KHDC1: variants seen among roughly 807,000 people sequenced by gnomAD.
The protein encoded by KHDC1 is KH homology domain-containing protein 1.
KHDC1 carries 21 observed loss-of-function variants against 24.7 expected under a neutral mutation model. The ratio of observed to expected loss-of-function variants is 0.85; its 90% CI spans 0.60 to 1.23. The LOEUF is 1.23. KHDC1 is among the 50% of genes most tolerant of loss of function. KHDC1 has a pLI of 0.00. For synonymous variants in KHDC1, 98 were observed against 111.7 expected (o/e 0.88, Z 0.77); for missense variants, 274 against 298.5 (o/e 0.92, Z 0.61).
chr6:73,289,422 G>A (rs976795348), intron 2 of KHDC1, among the ~76,000 whole-genome samples: 4 of 151,248 alleles, frequency 2.6e-5, no homozygotes, highest in African/African-American at 9.7e-5. Flanking sequence ...GGCCAAGGCG[G>A]GTGGATCATT....
Position 73,259,280 on chromosome 6 carries a change from C to A in KHDC1, c.207-16750G>T, listed in dbSNP as rs1309381084. On this transcript the variant is annotated intron_variant, in intron 2 of 4. Transcript: ENST00000370384. The stretch of plus-strand genomic sequence containing the variant: ...GCTTTCTGCTGACAAATCCAATATG[C>A]TTTTTTTTTTTTTTTTTTTTTTTTT... Among the ~76,000 whole-genome samples the A allele has an allele frequency of 4.1e-5, 3 of 73,238 alleles. No homozygotes were observed. In the East Asian group the frequency reaches 1.3e-3, roughly 31 times the overall value. 48.0% of individuals were successfully genotyped at this position (73,238 alleles called of 152,430 possible).
At chr6:73,279,951 C>G (rs1019144127) in intron 2 of KHDC1, among the ~76,000 whole-genome samples, 3 of 152,034 alleles carry the variant, frequency 2.0e-5, no homozygotes, top group African/African-American at 7.2e-5. Flanking sequence ...TGTATGTGAT[C>G]ATCATTGTTG....
At chr6:73,295,152 C>T (rs1195671662) in intron 1 of KHDC1, among the ~76,000 whole-genome samples, 1 of 151,992 alleles carries the variant, frequency 6.6e-6, no homozygotes, top group Non-Finnish European at 1.5e-5. Flanking sequence ...GACCCTGTCT[C>T]AAAACAACCA....
chr6:73,280,656 G>C (rs1036245051), intron 2 of KHDC1, among the ~76,000 whole-genome samples: 1 of 150,614 alleles, frequency 6.6e-6, no homozygotes. Flanking sequence ...GAGTAGCTGG[G>C]ATTACAGGCA....
chr6:73,255,127 T>C (rs1412765390), intron 2 of KHDC1, among the ~76,000 whole-genome samples: 2 of 151,440 alleles, frequency 1.3e-5, no homozygotes, highest in Admixed American at 6.6e-5. Context: ...AATAAAGATA[T>C]ATATTCAAAA....
chr6:73,299,665 C>G (rs902597776), intron 1 of KHDC1: 1 of 153,080 alleles, frequency 6.5e-6, no homozygotes, highest in Non-Finnish European at 1.5e-5. Context: ...GCACGCCTAG[C>G]TCAGACCCCC....
At chr6:73,272,098 A>G (rs1024493984) in intron 2 of KHDC1, among the ~76,000 whole-genome samples, 1 of 151,608 alleles carries the variant, frequency 6.6e-6, no homozygotes, top group African/African-American at 2.4e-5. Context: ...ATTTGTCTCT[A>G]AAGGTCCACC....
chr6:73,242,671 T>C, intron 2 of KHDC1, 141 bp from the exon 2 acceptor site: 1 of 905,088 alleles, frequency 1.1e-6, no homozygotes, highest in Non-Finnish European at 1.6e-6. Context: ...ACAATCCCGG[T>C]ATCTCTTCCC....
intron 2 of KHDC1, among the ~76,000 whole-genome samples, chr6:73,249,576 A>G (rs1053956598): frequency 2.6e-5 from 4 of 152,164 alleles, no homozygotes; most frequent in Admixed American, 2.6e-4. Flanking sequence ...GTAAGTAATC[A>G]TCTTTATTTC....
At chr6:73,293,195 C>T in intron 1 of KHDC1, 1 of 704,092 alleles carries the variant, frequency 1.4e-6, no homozygotes, top group Non-Finnish European at 2.7e-6. Context: ...TAGATTTTGG[C>T]CATGAATATT....
chr6:73,305,235 C>G (rs1419987793), intron 1 of KHDC1, among the ~76,000 whole-genome samples: 1 of 151,732 alleles, frequency 6.6e-6, no homozygotes, highest in Non-Finnish European at 1.5e-5. Flanking sequence ...GAGCAAGACT[C>G]CATCTCAAAA....
intron 2 of KHDC1, among the ~76,000 whole-genome samples, chr6:73,285,881 CAGATGG>C (rs1444905076): frequency 1.3e-5 from 2 of 152,076 alleles, no homozygotes; most frequent in African/African-American, 4.8e-5. Flanking sequence ...AGTTAGCCAC[CAGATGG>C]AGCTCAATCT....
intron 2 of KHDC1, chr6:73,291,006 A>T: frequency 2.7e-6 from 1 of 368,764 alleles, no homozygotes; most frequent in South Asian, 2.2e-5. Context: ...CTACTTCTAT[A>T]GAGATCCTGA....
At chr6:73,309,826 G>C (rs1050833646) in exon 1 of KHDC1, 1 of 1,309,496 alleles carries the variant, frequency 7.6e-7, no homozygotes. Context: ...ACGGAGAAGC[G>C]AAGTTCAGGA....
At chr6:73,263,979 G>T (rs567048747) in intron 2 of KHDC1, among the ~76,000 whole-genome samples, 2 of 152,250 alleles carry the variant, frequency 1.3e-5, no homozygotes, top group African/African-American at 4.8e-5. Flanking sequence ...AGCAAGGATC[G>T]CTTGAGCCCA....
intron 2 of KHDC1, among the ~76,000 whole-genome samples, chr6:73,254,768 C>T (rs1253616826): frequency 2.0e-5 from 3 of 151,940 alleles, no homozygotes; most frequent in African/African-American, 4.8e-5. Flanking sequence ...TTTGGGAGGC[C>T]GAGGTGGGCG....
At chr6:73,307,923 A>G (rs1767999711) in intron 1 of KHDC1, among the ~76,000 whole-genome samples, 1 of 152,100 alleles carries the variant, frequency 6.6e-6, no homozygotes, top group Non-Finnish European at 1.5e-5. Flanking sequence ...TTTTTGAGAC[A>G]GAGTCTCGCT....
intron 2 of KHDC1, among the ~76,000 whole-genome samples, chr6:73,267,482 C>CA (rs762208781): frequency 6.7e-5 from 10 of 149,636 alleles, no homozygotes; most frequent in Admixed American, 2.7e-4. Context: ...GACTCCATCT[C>CA]AAAAAAAAGA....
At chr6:73,286,289 A>AT (rs1474498237) in intron 2 of KHDC1, among the ~76,000 whole-genome samples, 1 of 152,206 alleles carries the variant, frequency 6.6e-6, no homozygotes, top group Non-Finnish European at 1.5e-5. Flanking sequence ...TATAGTTTAC[A>AT]TAAGATGATA....
Sources: allele counts gnomAD v4.1 joint callset (sites outside exome capture counted in the v4.1 genomes callset), GRCh38; gene constraint gnomAD v4.1.1; transcripts MANE v1.5; gene names NCBI Gene and HGNC (gene_info 2026-07-23, HGNC 2026-07-21).